The following ABCA12 variants were observed in gnomAD, a reference collection of about 807,000 sequenced individuals.
ABCA12 encodes the protein glucosylceramide transporter ABCA12.
Under a neutral mutation model 293.5 loss-of-function variants are expected in ABCA12, and 156 were observed. The ratio of observed to expected loss-of-function variants is 0.53; its 90% confidence interval spans 0.47 to 0.61. The LOEUF is 0.61. Among genes scored for constraint, ABCA12 ranks in the 20% least tolerant of loss-of-function variants. ABCA12 has a pLI of 0.00. For missense variants in ABCA12, 2,797 were observed against 3,090.2 expected, an observed-to-expected ratio of 0.91 and a Z score of 2.25; for synonymous variants, 1,063 against 1,108.0, an observed-to-expected ratio of 0.96 and a Z score of 0.81.
chr2:214,959,165 T>C, intron 39 of ABCA12, 87 bp from the exon 40 acceptor site: 1 of 1,134,980 alleles, frequency 8.8e-7, no homozygotes, highest in Non-Finnish European at 1.3e-6. Flanking sequence ...AACACTTTCC[T>C]CCTTATATTA....
At chr2:215,045,163 C>T (rs1353901345) in intron 7 of ABCA12, among the ~76,000 whole-genome samples, 1 of 152,106 alleles carries the variant, frequency 6.6e-6, no homozygotes, top group African/African-American at 2.4e-5. Flanking sequence ...TTTTAAGGCT[C>T]ATTTTCAAAT....
intron 8 of ABCA12, among the ~76,000 whole-genome samples, chr2:215,035,398 G>C (rs1700970643): frequency 6.6e-6 from 1 of 152,024 alleles, no homozygotes; most frequent in Admixed American, 6.6e-5. Context: ...AGCCAGACGT[G>C]GTGGCTCATG....
intron 23 of ABCA12, among the ~76,000 whole-genome samples, chr2:214,995,881 A>C (rs1700021993): frequency 6.6e-6 from 1 of 152,174 alleles, no homozygotes; most frequent in South Asian, 2.1e-4. Context: ...AATATGAATA[A>C]TTGAGCTCCT....
intron 2 of ABCA12, among the ~76,000 whole-genome samples, chr2:215,081,225 C>A (rs1180028112): frequency 6.6e-6 from 1 of 152,052 alleles, no homozygotes; most frequent in Non-Finnish European, 1.5e-5. Context: ...CGCCTGTAAT[C>A]CCAGCACTTT....
At chr2:215,096,634 ATTC>A (rs1261719561) in intron 2 of ABCA12, among the ~76,000 whole-genome samples, 1 of 152,096 alleles carries the variant, frequency 6.6e-6, no homozygotes, top group Non-Finnish European at 1.5e-5. Context: ...AGACTTACTC[ATTC>A]TTCTCCATTT....
rs529364926 is a variant in ABCA12, at chr2:214,958,316, G to A, written c.6078C>T (p.Gly2026=). The part of the protein sequence containing the change: ...AKQLQHISGI[G]VTCYWVTNFI... ...AGTTTGTTACCCAGTAGCATGTCAC[G>A]CCAATGCCTGAAATGTGCTGCAACT... Residue 2026 remains glycine, a synonymous_variant, in exon 41 of 53, where the codon GGC becomes GGT. Coordinates refer to ENST00000272895, the MANE Select transcript of ABCA12 (RefSeq NM_173076.3). 1.1e-4 allele frequency: 174 copies of A among 1,613,928 alleles called. 3 individuals carry two copies. In the South Asian group the frequency reaches 1.5e-3, roughly 14 times the overall value.
chr2:214,996,722 C>A (rs1700041034), intron 23 of ABCA12, among the ~76,000 whole-genome samples: 1 of 152,140 alleles, frequency 6.6e-6, no homozygotes, highest in African/African-American at 2.4e-5. Flanking sequence ...GGGGACAACC[C>A]TGAAAGCCTG....
chr2:214,950,922 A>C lies in ABCA12; in HGVS notation c.6809T>G (p.Ile2270Ser). 1 of 1,614,136 alleles carries C rather than the reference A, an allele frequency of 6.2e-7. No homozygotes were observed. The highest frequency in any genetic ancestry group is 8.5e-7 in the Non-Finnish European group (1 of 1,180,026). Residue 2270 changes from isoleucine to serine, a missense_variant, in exon 45 of 53, where the codon ATT becomes AGT. This residue lies in a region of ABCA12 where 2,130 missense variants were observed against 2,427.0 expected (regional missense o/e 0.88). Coordinates refer to ENST00000272895, the MANE Select transcript of ABCA12 (RefSeq NM_173076.3). ...TKTYQLIHKK[I>S]IAVNNISIGI... ...AATGCTGATGTTGTTTACAGCTATA[A>C]TCTTTTTGTGGATAAGTTGGTAGGT...
intron 7 of ABCA12, among the ~76,000 whole-genome samples, chr2:215,043,673 GT>G (rs111957752): frequency 2.6e-4 from 40 of 151,870 alleles, no homozygotes; most frequent in African/African-American, 8.2e-4. Context: ...AATTAAATGA[GT>G]TTTTTTTAAG....
chr2:215,021,318 G>T lies in ABCA12; in HGVS notation c.1288-1522C>A, dbSNP rs141913714. Reference sequence around the variant, plus strand: ...TTATTTTCTCTCTTAGGTATTACAGGATACTCGGTGTTTTTGTCTTTCAAA... The same window carrying T: ...TTATTTTCTCTCTTAGGTATTACAGTATACTCGGTGTTTTTGTCTTTCAAA... On this transcript the variant is annotated intron_variant, in intron 11 of 52. Transcript: ENST00000272895. Among the ~76,000 whole-genome samples the T allele has an allele frequency of 3.8e-3, 580 of 152,250 alleles. 4 individuals carry two copies. The highest frequency in any genetic ancestry group is 0.012 in the Admixed American group (178 of 15,298).
At chr2:215,108,611 A>G (rs1438540831) in intron 2 of ABCA12, among the ~76,000 whole-genome samples, 3 of 152,234 alleles carry the variant, frequency 2.0e-5, no homozygotes, top group Non-Finnish European at 2.9e-5. Flanking sequence ...GGTACACAGT[A>G]TGAGATCAAG....
At chr2:214,965,784 G>T (rs1699241357) in intron 39 of ABCA12, among the ~76,000 whole-genome samples, 1 of 152,164 alleles carries the variant, frequency 6.6e-6, no homozygotes, top group Non-Finnish European at 1.5e-5. Flanking sequence ...CTGTTTGTTA[G>T]TAAGAATGTA....
At chr2:214,997,041 GAAGT>G (rs1700050079) in intron 23 of ABCA12, among the ~76,000 whole-genome samples, 1 of 152,126 alleles carries the variant, frequency 6.6e-6, no homozygotes, top group East Asian at 1.9e-4. Flanking sequence ...ATTCTAAAAA[GAAGT>G]AAGATATTTT....
At chr2:214,988,016 T>C (rs1699825062) in intron 26 of ABCA12, among the ~76,000 whole-genome samples, 4 of 152,210 alleles carry the variant, frequency 2.6e-5, no homozygotes, top group Admixed American at 2.0e-4. Flanking sequence ...AAAACTTATC[T>C]AACTGTACAC....
chr2:215,036,069 G>T (rs73072637), intron 8 of ABCA12, among the ~76,000 whole-genome samples: 1 of 151,928 alleles, frequency 6.6e-6, no homozygotes, highest in African/African-American at 2.4e-5. Flanking sequence ...TTTTCTAATG[G>T]ACGTCAAGAC....
chr2:215,089,573 C>T (rs1702100741), intron 2 of ABCA12, among the ~76,000 whole-genome samples: 1 of 152,030 alleles, frequency 6.6e-6, no homozygotes, highest in Admixed American at 6.6e-5. Flanking sequence ...TCTTTAGTGC[C>T]CTCTCTTTTA....
At chr2:214,934,254 CTGG>C (rs1332352016) in intron 51 of ABCA12, 39 bp from the exon 52 acceptor site, 4 of 1,612,346 alleles carry the variant, frequency 2.5e-6, no homozygotes, top group Non-Finnish European at 3.4e-6. Context: ...TTTGCAATGT[CTGG>C]TAATGTTGAC....
At position 215,004,264 on chromosome 2, in the gene ABCA12, T is replaced by C. The variant is rs1291485580; in HGVS notation, c.2628A>G (p.Val876=). 7 of 1,613,740 alleles carry C rather than the reference T, an allele frequency of 4.3e-6. No homozygotes were observed. Among genetic ancestry groups the C allele is most frequent in the Non-Finnish European group, 5.9e-6 (7 of 1,179,950 alleles). ...TLRNPFVQVF[V]KFSVGLDAVE... ...CAGCATCGAGTCCCACGGAGAACTT[T>C]ACAAAAACTTGCACAAAAGGGTTCC... The change falls in exon 20 of 53, where the codon GTA becomes GTG. Residue 876 remains valine, a synonymous_variant. Coordinates refer to ENST00000272895, the MANE Select transcript of ABCA12 (RefSeq NM_173076.3).
At chr2:214,986,476 T>C (rs1418084480) in intron 28 of ABCA12, 66 bp downstream of exon 28, 1 of 1,433,608 alleles carries the variant, frequency 7.0e-7, no homozygotes, top group Non-Finnish European at 9.8e-7. Context: ...GGTTAGTTTA[T>C]TTTTTTTACA....
Sources: allele counts gnomAD v4.1 joint callset (sites outside exome capture counted in the v4.1 genomes callset), GRCh38; gene constraint gnomAD v4.1.1; regional missense constraint gnomAD v4.1.1; transcripts MANE v1.5; gene names NCBI Gene and HGNC (gene_info 2026-07-23, HGNC 2026-07-21).